The following FCAR variants were observed in gnomAD, a reference collection of about 807,000 sequenced individuals.
FCAR encodes the protein immunoglobulin alpha Fc receptor.
FCAR carries 21 observed loss-of-function variants against 27.1 expected under a neutral mutation model. The observed-to-expected ratio is 0.77, with a 90% CI of 0.55 to 1.11. The LOEUF is 1.11. Among genes scored for constraint, FCAR ranks in the 50% most tolerant of loss-of-function variants. The pLI, the probability that FCAR is intolerant of heterozygous loss-of-function variation, is 0.00. For missense variants in FCAR, 404 were observed against 358.4 expected, an observed-to-expected ratio of 1.13 and a Z score of -1.03; for synonymous variants, 134 against 135.8, an observed-to-expected ratio of 0.99 and a Z score of 0.09.
At chr19:54,886,499 G>A (rs1359828119) in intron 3 of FCAR, among the ~76,000 whole-genome samples, 1 of 151,720 alleles carries the variant, frequency 6.6e-6, no homozygotes, top group Non-Finnish European at 1.5e-5. Flanking sequence ...AGTAGAGATA[G>A]GGTTTCACTG....
rs201085740 is a variant in FCAR at position 54,888,125 on chromosome 19, G to A, written c.480G>A (p.Lys160=). The A allele has an allele frequency of 1.2e-6, 2 of 1,614,080 alleles. No individual in the cohort carries two copies. Among genetic ancestry groups the A allele is most frequent in the East Asian group, 2.2e-5 (1 of 44,874 alleles). ...HIPFDRFSLA[K]EGELSLPQHQ... is the part of the protein sequence containing the mutation. ...CATTTGATAGATTTTCACTGGCCAAGGAGGGAGAACTTTCTCTGCCACAGC... is the reference window on the plus strand; with the variant it reads ...CATTTGATAGATTTTCACTGGCCAAAGAGGGAGAACTTTCTCTGCCACAGC... Residue 160 remains lysine (K), a synonymous_variant, in exon 4 of 5, where the codon AAG becomes AAA. Coordinates refer to ENST00000355524, the MANE Select transcript of FCAR (RefSeq NM_002000.4).
intron 2 of FCAR, among the ~76,000 whole-genome samples, chr19:54,880,030 G>C (rs148072617): frequency 1.8e-3 from 276 of 151,734 alleles, no homozygotes; most frequent in African/African-American, 6.3e-3. Context: ...TGATGATTTT[G>C]TGTCTTGGGG....
intron 2 of FCAR, among the ~76,000 whole-genome samples, chr19:54,877,729 T>A (rs909282985): frequency 6.6e-6 from 1 of 152,148 alleles, no homozygotes; most frequent in Admixed American, 6.6e-5. Context: ...AGTGGGAGTT[T>A]AGTGCTATAA....
chr19:54,889,954 C>G lies in FCAR; in HGVS notation c.*91C>G, dbSNP rs587654005. 25 of 931,156 alleles carry G rather than the reference C, an allele frequency of 2.7e-5. No individual in the cohort carries two copies. The South Asian group carries it at 3.9e-4, about 14-fold the overall frequency. The allele number at this position is 931,156 out of a possible 1,614,324, so 57.7% of individuals were successfully genotyped here. A position where few individuals can be genotyped will look rare whatever the true frequency, so the allele number is the denominator to read the frequency against. ...CAAGAGAGAAAAGCTCACTAAGAAG[C>G]TTGAATCTACTTTTTTTTTTTTTTG... On this transcript the variant is annotated 3_prime_UTR_variant, in exon 5 of 5. Transcript: ENST00000355524.
At chr19:54,885,643 G>A (rs1266196300) in intron 3 of FCAR, 118 bp downstream of exon 3, 1 of 741,528 alleles carries the variant, frequency 1.3e-6, no homozygotes. Flanking sequence ...GCTTCAGAGA[G>A]TTCTCAGCCA....
rs1204701704 is a variant in FCAR, at chr19:54,885,267, TC to T, written c.104del (p.Ser35Ter). The T allele has an allele frequency of 6.2e-7, 1 of 1,613,792 alleles. No homozygotes were observed. Among genetic ancestry groups the T allele is most frequent in the South Asian group, 1.1e-5 (1 of 91,058 alleles). ...TCCCATGCCTTTCATATCTGCCAAA[TC>T]GAGTCCTGTGATTCCCTTGGATGGA... Reference protein sequence around the residue: ...DFPMPFISAKSSPVIPLDGSV... With the variant: ...DFPMPFISAKXSPVIPLDGSV... On this transcript the variant is annotated frameshift_variant, in exon 3 of 5. Transcript: ENST00000355524. LOFTEE classifies it high-confidence loss of function.
At position 54,888,152 on chromosome 19, in the gene FCAR, C is replaced by T. The variant is rs375371305; in HGVS notation, c.507C>T (p.His169=). 3 of 1,614,072 alleles carry T rather than the reference C, an allele frequency of 1.9e-6. No homozygotes were observed. In the African/African-American group the frequency reaches 4.0e-5, roughly 22 times the overall value. ...AKEGELSLPQ[H]QSGEHPANFS... is the part of the protein sequence containing the mutation. Reference sequence around the variant, plus strand: ...AGGGAGAACTTTCTCTGCCACAGCACCAAAGTGGGGAACACCCGGCCAACT... The same window carrying T: ...AGGGAGAACTTTCTCTGCCACAGCATCAAAGTGGGGAACACCCGGCCAACT... The change falls in exon 4 of 5, where the codon CAC becomes CAT. Residue 169 remains histidine, a synonymous_variant. Transcript: ENST00000355524.
intron 1 of FCAR, among the ~76,000 whole-genome samples, chr19:54,875,064 G>A (rs1013370478): frequency 3.3e-5 from 5 of 151,922 alleles, no homozygotes; most frequent in Non-Finnish European, 7.4e-5. Context: ...CCAGCTACTC[G>A]TGCGGCTGAG....
Position 54,890,504 on chromosome 19 carries a change from T to A in FCAR, c.*641T>A, listed in dbSNP as rs1260940638. 1 of 152,058 alleles carries A rather than the reference T, an allele frequency of 6.6e-6. No homozygotes were observed. Among genetic ancestry groups the A allele is most frequent in the Non-Finnish European group, 1.5e-5 (1 of 68,040 alleles). The allele number at this position is 152,058 out of a possible 1,614,324, so 9.4% of individuals were successfully genotyped here. ...GTGCAGTGGCACGATCTCGGCTCAC[T>A]GCAACCTCTGCCTCCTGGGTTCAAG... On this transcript the variant is annotated 3_prime_UTR_variant, in exon 5 of 5. Transcript: ENST00000355524.
At chr19:54,888,373 C>A (rs1255733083) in intron 4 of FCAR, 79 bp downstream of exon 4, 1 of 1,558,634 alleles carries the variant, frequency 6.4e-7, no homozygotes. Context: ...TGAAGACGTG[C>A]ACTGAGAGTG....
chr19:54,888,740 A>G, intron 4 of FCAR: 1 of 818,922 alleles, frequency 1.2e-6, no homozygotes, highest in Non-Finnish European at 1.5e-6. Flanking sequence ...TCCCGACCTC[A>G]GGTGATCCAC....
chr19:54,886,234 C>T (rs1474576185), intron 3 of FCAR, among the ~76,000 whole-genome samples: 5 of 143,442 alleles, frequency 3.5e-5, no homozygotes, highest in South Asian at 2.4e-4. Flanking sequence ...GGCGACAGGG[C>T]GAGACTCCAT....
At chr19:54,880,275 G>T (rs1356442804) in intron 2 of FCAR, among the ~76,000 whole-genome samples, 5 of 151,774 alleles carry the variant, frequency 3.3e-5, no homozygotes, top group African/African-American at 1.2e-4. Context: ...CTTCATTTTT[G>T]TCTGACTGAA....
At chr19:54,884,891 C>G (rs997449504) in intron 2 of FCAR, among the ~76,000 whole-genome samples, 3 of 151,786 alleles carry the variant, frequency 2.0e-5, no homozygotes, top group Admixed American at 2.0e-4. Context: ...ACTGCAAGCT[C>G]TGCCTCCCAG....
intron 2 of FCAR, among the ~76,000 whole-genome samples, chr19:54,876,406 A>G (rs2066091321): frequency 6.6e-6 from 1 of 152,184 alleles, no homozygotes. Flanking sequence ...GTCTTTTGCC[A>G]GTTTTCAAGG....
intron 4 of FCAR, chr19:54,889,097 C>G (rs1166999770): frequency 1.3e-5 from 2 of 148,468 alleles, no homozygotes; most frequent in Non-Finnish European, 2.8e-5. Context: ...TGGTTGGGCA[C>G]GATGGCTCAC....
intron 4 of FCAR, chr19:54,888,617 G>A (rs948870985): frequency 3.4e-5 from 28 of 812,792 alleles, no homozygotes; most frequent in Non-Finnish European, 4.1e-5. Context: ...GCACGATCTC[G>A]ACTCACTGCA....
chr19:54,882,959 CCAGCAT>C (rs1312821277), intron 2 of FCAR, among the ~76,000 whole-genome samples: 1 of 151,980 alleles, frequency 6.6e-6, no homozygotes, highest in Non-Finnish European at 1.5e-5. Flanking sequence ...AAAGGGTTGG[CCAGCAT>C]ACAGGATCTT....
intron 2 of FCAR, among the ~76,000 whole-genome samples, chr19:54,884,952 G>T (rs1429915576): frequency 6.6e-6 from 1 of 151,800 alleles, no homozygotes; most frequent in East Asian, 1.9e-4. Flanking sequence ...GACTACACGC[G>T]CCCGCCACCA....
Sources: gnomAD v4.1 joint callset for allele counts (sites outside exome capture counted in the v4.1 genomes callset) on GRCh38, gnomAD v4.1.1 for gene constraint, MANE v1.5 for transcripts, NCBI Gene and HGNC (gene_info 2026-07-23, HGNC 2026-07-21) for gene names.